Variants in NELL2 observed in about 807,000 individuals in gnomAD.
NELL2 encodes neural EGFL like 2, also known as protein kinase C-binding protein NELL2.
NELL2 carries 41 observed loss-of-function variants against 109.6 expected under a neutral mutation model. That is an observed-to-expected ratio of 0.37 (90% CI 0.29 to 0.49). The LOEUF (loss-of-function observed/expected upper bound fraction) is 0.49. Ranked by LOEUF, NELL2 falls within the 20% of genes least tolerant of loss-of-function variation. The pLI is 0.98. For synonymous variants in NELL2, 355 were observed against 344.7 expected (o/e 1.03, Z -0.33); for missense variants, 900 against 1,008.3 (o/e 0.89, Z 1.45).
chr12:44,783,814 T>C (rs894601286), intron 3 of NELL2, among the ~76,000 whole-genome samples: 5 of 152,028 alleles, frequency 3.3e-5, no homozygotes, highest in African/African-American at 1.2e-4. Flanking sequence ...AACTACTAAA[T>C]TCATTTTATG....
intron 2 of NELL2, among the ~76,000 whole-genome samples, chr12:44,845,251 A>G (rs1235789344): frequency 6.6e-6 from 1 of 152,236 alleles, no homozygotes; most frequent in Non-Finnish European, 1.5e-5. Context: ...GCATATGTAT[A>G]AAAAGATAGT....
intron 13 of NELL2, among the ~76,000 whole-genome samples, chr12:44,652,262 CATT>C (rs1293642795): frequency 6.6e-6 from 1 of 152,104 alleles, no homozygotes; most frequent in Non-Finnish European, 1.5e-5. Flanking sequence ...ACTTCCTCCA[CATT>C]ATTAAGTTCA....
intron 19 of NELL2, among the ~76,000 whole-genome samples, chr12:44,512,413 G>A (rs1353512316): frequency 6.6e-6 from 1 of 151,882 alleles, no homozygotes; most frequent in African/African-American, 2.4e-5. Flanking sequence ...ATAAAAAACA[G>A]TATGAAAGTT....
chr12:44,703,795 T>C lies in NELL2; in HGVS notation c.1249A>G (p.Asn417Asp), dbSNP rs751544655. 3 of 1,613,520 alleles carry C rather than the reference T, an allele frequency of 1.9e-6. No individual in the cohort carries two copies. Among genetic ancestry groups the C allele is most frequent in the Non-Finnish European group, 8.5e-7 (1 of 1,179,678 alleles). Residue 417 changes from asparagine to aspartate, a missense_variant, in exon 12 of 20, where the codon AAT (asparagine) becomes GAT (aspartate). Asn to Asp is a conservative substitution (Grantham distance 23, BLOSUM62 1). Transcript: ENST00000429094. ...CGACAGCTACAAACAGCCCTGTCAT[T>C]CAGATTTCTGCAGATGGAATTCTCC... Reference protein sequence around the residue: ...CMENSICRNLNDRAVCSCRDG... With the variant: ...CMENSICRNLDDRAVCSCRDG...
chr12:44,776,318 GT>G (rs142118661), intron 7 of NELL2, among the ~76,000 whole-genome samples, 168 bp from the exon 8 acceptor site: 2 of 152,030 alleles, frequency 1.3e-5, no homozygotes, highest in African/African-American at 4.8e-5. Context: ...TTAAAAGAAT[GT>G]TTTTTTCTCT....
rs185941916 is a variant in NELL2 at position 44,520,356 on chromosome 12, T to C, written c.2176-127A>G. ...TATTTGATTGATATTTAAACTTAGATCTACAAAGCCCATGAATCTTTCAGG... is the reference window on the plus strand; with the variant it reads ...TATTTGATTGATATTTAAACTTAGACCTACAAAGCCCATGAATCTTTCAGG... On this transcript the variant is annotated intron_variant, in intron 18 of 19. Coordinates refer to ENST00000429094, the MANE Select transcript of NELL2 (RefSeq NM_001145108.2). The C allele has an allele frequency of 4.8e-4, 344 of 710,158 alleles. 1 individual carries two copies. The highest frequency in any genetic ancestry group is 1.6e-3 in the Admixed American group (54 of 32,886). The allele number at this position is 710,158 out of a possible 1,614,324, so 44.0% of individuals were successfully genotyped here.
chr12:44,855,261 C>T (rs1381748761), intron 2 of NELL2, among the ~76,000 whole-genome samples: 2 of 152,156 alleles, frequency 1.3e-5, no homozygotes, highest in African/African-American at 4.8e-5. Flanking sequence ...TCACAGGAAA[C>T]TTCTTAAAAA....
intron 13 of NELL2, among the ~76,000 whole-genome samples, chr12:44,656,254 C>T (rs1350464789): frequency 1.3e-5 from 2 of 152,078 alleles, no homozygotes; most frequent in African/African-American, 4.8e-5. Flanking sequence ...GGAAATTCTT[C>T]CTAGGAAGTA....
chr12:44,694,965 G>A (rs1177416799), intron 12 of NELL2, among the ~76,000 whole-genome samples: 1 of 151,776 alleles, frequency 6.6e-6, no homozygotes, highest in African/African-American at 2.4e-5. Flanking sequence ...CACTAAACAA[G>A]TTAGTTGTGA....
At chr12:44,804,454 A>C (rs1450543) in intron 3 of NELL2, among the ~76,000 whole-genome samples, 3 of 151,644 alleles carry the variant, frequency 2.0e-5, no homozygotes, top group African/African-American at 7.3e-5. Context: ...CATAAACTCC[A>C]CTGTCAATTA....
chr12:44,848,739 C>T (rs1207956470), intron 2 of NELL2, among the ~76,000 whole-genome samples: 1 of 152,126 alleles, frequency 6.6e-6, no homozygotes, highest in Non-Finnish European at 1.5e-5. Flanking sequence ...CTGATCACTA[C>T]TTCACATCTA....
intron 15 of NELL2, among the ~76,000 whole-genome samples, chr12:44,549,034 C>A (rs193155342): frequency 7.4e-4 from 112 of 152,248 alleles, no homozygotes; most frequent in African/African-American, 2.6e-3. Context: ...GAAAGTGAAA[C>A]TTATTAGACA....
At chr12:44,883,042 G>A (rs1255650969) in intron 1 of NELL2, among the ~76,000 whole-genome samples, 3 of 148,580 alleles carry the variant, frequency 2.0e-5, no homozygotes, top group African/African-American at 7.5e-5. Flanking sequence ...AGTAGAGCCA[G>A]GGTGTTATGT....
chr12:44,731,984 A>T (rs966498090), intron 9 of NELL2, among the ~76,000 whole-genome samples: 1 of 152,040 alleles, frequency 6.6e-6, no homozygotes. Context: ...CAATAGCATC[A>T]ATAATAATAA....
chr12:44,564,272 G>C (rs2136186835), intron 15 of NELL2, among the ~76,000 whole-genome samples: 1 of 152,256 alleles, frequency 6.6e-6, no homozygotes. Context: ...AAAGCAAAAT[G>C]CATGGTTTAT....
intron 1 of NELL2, among the ~76,000 whole-genome samples, chr12:44,894,361 G>A (rs772921636): frequency 6.6e-6 from 1 of 151,936 alleles, no homozygotes; most frequent in Non-Finnish European, 1.5e-5. Context: ...TCTCACCTAA[G>A]CAAATTGACA....
intron 11 of NELL2, 108 bp from the exon 12 acceptor site, chr12:44,703,962 T>A: frequency 1.1e-6 from 1 of 885,822 alleles, no homozygotes; most frequent in Non-Finnish European, 1.7e-6. Context: ...CTAAATAATT[T>A]TTTAATTAGT....
chr12:44,669,147 C>T (rs1166367092), intron 12 of NELL2, among the ~76,000 whole-genome samples: 1 of 152,186 alleles, frequency 6.6e-6, no homozygotes, highest in African/African-American at 2.4e-5. Context: ...CTAATTATAG[C>T]CCGATAAATC....
At chr12:44,566,915 G>A (rs569611184) in intron 15 of NELL2, among the ~76,000 whole-genome samples, 27 of 151,932 alleles carry the variant, frequency 1.8e-4, no homozygotes, top group Middle Eastern at 6.8e-3. Flanking sequence ...GGGTTCAAGC[G>A]ATTCTCCTGC....
Sources: gnomAD v4.1 joint callset for allele counts (sites outside exome capture counted in the v4.1 genomes callset) on GRCh38, gnomAD v4.1.1 for gene constraint, MANE v1.5 for transcripts, NCBI Gene and HGNC (gene_info 2026-07-23, HGNC 2026-07-21) for gene names.